The following NTNG1 variants were observed in gnomAD, a reference collection of about 807,000 sequenced individuals.
The protein encoded by NTNG1 is netrin-G1.
Under a neutral mutation model 54.0 loss-of-function variants are expected in NTNG1, and 16 were observed. The observed-to-expected ratio is 0.30, with a 90% CI of 0.20 to 0.45. The LOEUF (loss-of-function observed/expected upper bound fraction) is 0.45, where lower values mean the gene tolerates loss of function less well. NTNG1 is among the 20% of genes least tolerant of loss of function. The probability of loss-of-function intolerance (pLI) is 1.00; values close to 1 mark genes in which losing one functional copy is unlikely to be tolerated. For synonymous variants in NTNG1, 255 were observed against 263.1 expected, an observed-to-expected ratio of 0.97 and a Z score of 0.30; for missense variants, 530 against 678.7, an observed-to-expected ratio of 0.78 and a Z score of 2.43.
intron 2 of NTNG1, among the ~76,000 whole-genome samples, chr1:107,273,840 T>C (rs1242431657): frequency 6.6e-6 from 1 of 152,240 alleles, no homozygotes; most frequent in Non-Finnish European, 1.5e-5. Flanking sequence ...ATGCATGAGA[T>C]ATAAACCCAT....
In NTNG1 at chr1:107,176,996, A is replaced by T. The variant is rs953806995; in HGVS notation, c.246+28157A>T. The stretch of plus-strand genomic sequence containing the variant: ...AACCATCATATCTTCAGATATTGCC[A>T]AATATCCTCTGAGGAGCAAAATTGC... On this transcript the variant is annotated intron_variant, in intron 2 of 7. Coordinates refer to ENST00000370068, the MANE Select transcript of NTNG1 (RefSeq NM_001113226.3). Among the ~76,000 whole-genome samples, 5 of 152,178 alleles carry T rather than the reference A, an allele frequency of 3.3e-5. No individual in the cohort carries two copies. The East Asian group carries it at 9.6e-4, about 29-fold the overall frequency.
chr1:107,179,952 T>C (rs2101127491), intron 2 of NTNG1, among the ~76,000 whole-genome samples: 1 of 152,238 alleles, frequency 6.6e-6, no homozygotes, highest in South Asian at 2.1e-4. Flanking sequence ...ATATGCAAGA[T>C]TGCAAAAGCT....
At chr1:107,345,150 T>C (rs1669140624) in intron 3 of NTNG1, among the ~76,000 whole-genome samples, 1 of 152,136 alleles carries the variant, frequency 6.6e-6, no homozygotes, top group African/African-American at 2.4e-5. Flanking sequence ...TCTCCAAATG[T>C]TTTGAGTTTG....
chr1:107,245,459 A>G (rs1407180674), intron 2 of NTNG1, among the ~76,000 whole-genome samples: 3 of 152,234 alleles, frequency 2.0e-5, no homozygotes, highest in Admixed American at 1.3e-4. Context: ...ATAAGAAAAA[A>G]GAATCTCTGC....
chr1:107,269,591 G>T (rs1191326973), intron 2 of NTNG1, among the ~76,000 whole-genome samples: 1 of 152,166 alleles, frequency 6.6e-6, no homozygotes, highest in Non-Finnish European at 1.5e-5. Context: ...AATAACATCT[G>T]ATACATGGAA....
intron 2 of NTNG1, among the ~76,000 whole-genome samples, chr1:107,259,815 C>G (rs74108680): frequency 0.071 from 10,847 of 152,118 alleles, 1,273 homozygotes; most frequent in African/African-American, 0.25. Context: ...TTGATTAGGT[C>G]TCTACTTTTC....
intron 3 of NTNG1, among the ~76,000 whole-genome samples, chr1:107,331,799 G>C (rs1252270255): frequency 6.6e-6 from 1 of 151,680 alleles, no homozygotes; most frequent in African/African-American, 2.4e-5. Context: ...TTTTGAATAA[G>C]TGTGCTGCCT....
At chr1:107,338,071 G>T (rs952101989) in intron 3 of NTNG1, among the ~76,000 whole-genome samples, 2 of 151,972 alleles carry the variant, frequency 1.3e-5, no homozygotes, top group African/African-American at 4.8e-5. Context: ...CCCTTGTAAA[G>T]TGGCCTATGT....
At chr1:107,355,599 G>C (rs1406725752) in intron 3 of NTNG1, among the ~76,000 whole-genome samples, 1 of 151,996 alleles carries the variant, frequency 6.6e-6, no homozygotes, top group Non-Finnish European at 1.5e-5. Flanking sequence ...CCACTACTTA[G>C]AGCCAAGCCC....
Position 107,240,920 on chromosome 1 carries a change from A to G in NTNG1, c.247-83362A>G, listed in dbSNP as rs61034112. ...CTAGGCTCTGTACTCTTAGTTTCTT[A>G]GTTTCTTTTTTTGGGAGATGACAGA... On this transcript the variant is annotated intron_variant, in intron 2 of 7. Coordinates refer to ENST00000370068, the MANE Select transcript of NTNG1 (RefSeq NM_001113226.3). Among the ~76,000 whole-genome samples the G allele has an allele frequency of 4.6e-3, 701 of 152,188 alleles. 5 individuals carry two copies. Among genetic ancestry groups the G allele is most frequent in the African/African-American group, 0.015 (634 of 41,534 alleles).
chr1:107,238,806 T>A (rs1021055274), intron 2 of NTNG1, among the ~76,000 whole-genome samples: 1 of 151,734 alleles, frequency 6.6e-6, no homozygotes, highest in Non-Finnish European at 1.5e-5. Flanking sequence ...TTTTTTTTTT[T>A]GTAAATTGCC....
intron 7 of NTNG1, among the ~76,000 whole-genome samples, chr1:107,465,066 T>C (rs1267351229): frequency 6.6e-6 from 1 of 152,132 alleles, no homozygotes; most frequent in African/African-American, 2.4e-5. Context: ...TTTTAAAAAC[T>C]GCTAACAAAG....
At chr1:107,327,626 A>G (rs1668040576) in intron 3 of NTNG1, among the ~76,000 whole-genome samples, 1 of 152,108 alleles carries the variant, frequency 6.6e-6, no homozygotes, top group Non-Finnish European at 1.5e-5. Context: ...ATCCCATGAA[A>G]TGATTGCAAC....
At chr1:107,479,504 A>G (rs1678554985) in intron 7 of NTNG1, among the ~76,000 whole-genome samples, 2 of 152,172 alleles carry the variant, frequency 1.3e-5, no homozygotes, top group Non-Finnish European at 2.9e-5. Context: ...AAAATGTTAC[A>G]ATTTATAAAA....
At chr1:107,472,756 G>A (rs532550264) in intron 7 of NTNG1, among the ~76,000 whole-genome samples, 3 of 152,138 alleles carry the variant, frequency 2.0e-5, no homozygotes, top group Non-Finnish European at 4.4e-5. Flanking sequence ...TTTTTGTGGG[G>A]CGGGGATGGA....
chr1:107,198,317 A>G (rs1443830318), intron 2 of NTNG1, among the ~76,000 whole-genome samples: 1 of 152,102 alleles, frequency 6.6e-6, no homozygotes, highest in Non-Finnish European at 1.5e-5. Flanking sequence ...GAATGGATCA[A>G]ACAAGATTAC....
chr1:107,277,585 G>A (rs1664561903), intron 2 of NTNG1, among the ~76,000 whole-genome samples: 1 of 152,164 alleles, frequency 6.6e-6, no homozygotes, highest in Admixed American at 6.5e-5. Flanking sequence ...AACACTACAG[G>A]AAACTGTGGG....
intron 2 of NTNG1, among the ~76,000 whole-genome samples, chr1:107,257,831 T>C (rs1057036775): frequency 1.3e-5 from 2 of 152,176 alleles, no homozygotes; most frequent in African/African-American, 4.8e-5. Context: ...AATCAAAATA[T>C]CTTATTCTTC....
At chr1:107,351,538 A>T (rs1162422986) in intron 3 of NTNG1, among the ~76,000 whole-genome samples, 3 of 152,188 alleles carry the variant, frequency 2.0e-5, no homozygotes, top group African/African-American at 7.2e-5. Flanking sequence ...CACCTGTACC[A>T]AGGGGATAAT....
Sources: allele counts gnomAD v4.1 joint callset (sites outside exome capture counted in the v4.1 genomes callset), GRCh38; gene constraint gnomAD v4.1.1; transcripts MANE v1.5; gene names NCBI Gene and HGNC (gene_info 2026-07-23, HGNC 2026-07-21).